Variants in MYO5A observed in about 807,000 individuals in gnomAD.
MYO5A encodes unconventional myosin-Va.
MYO5A carries 98 observed loss-of-function variants against 249.7 expected under a neutral mutation model. That is an observed-to-expected ratio of 0.39 (90% CI 0.33 to 0.46). The LOEUF is 0.46. Ranked by LOEUF, MYO5A falls within the 20% of genes least tolerant of loss-of-function variation. The pLI is 0.98. For synonymous variants in MYO5A, 778 were observed against 810.6 expected (o/e 0.96, Z 0.68); for missense variants, 1,696 against 2,308.8 (o/e 0.73, Z 5.44).
intron 36 of MYO5A, among the ~76,000 whole-genome samples, chr15:52,324,075 C>T (rs1453886561): frequency 2.7e-5 from 4 of 147,326 alleles, no homozygotes; most frequent in South Asian, 4.4e-4. Flanking sequence ...TCATGTCCCC[C>T]GTGGGGTTAA....
chr15:52,375,256 G>A lies in MYO5A; in HGVS notation c.2577+48C>T. The A allele has an allele frequency of 2.5e-6, 4 of 1,590,164 alleles. No individual in the cohort carries two copies. The African/African-American group carries it at 4.0e-5, about 16-fold the overall frequency. On this transcript the variant is annotated intron_variant, in intron 20 of 41. Coordinates refer to ENST00000399233, the MANE Select transcript of MYO5A (RefSeq NM_001382347.1). ...GGTACTCTGTATAGATGTGAAATTTGGTTAATGCTAATAGAATGAATAAAC... is the reference window on the plus strand; with the variant it reads ...GGTACTCTGTATAGATGTGAAATTTAGTTAATGCTAATAGAATGAATAAAC...
intron 32 of MYO5A, among the ~76,000 whole-genome samples, chr15:52,338,537 T>C (rs1470762194): frequency 6.6e-6 from 1 of 152,156 alleles, no homozygotes; most frequent in African/African-American, 2.4e-5. Flanking sequence ...AATGCACAAT[T>C]AAGATTGAGA....
intron 2 of MYO5A, among the ~76,000 whole-genome samples, chr15:52,432,103 T>C (rs2075553491): frequency 6.7e-6 from 1 of 150,258 alleles, no homozygotes; most frequent in South Asian, 2.1e-4. Context: ...CATGAGCCCA[T>C]AATAAATAAA....
rs562968936 is a variant in MYO5A, at chr15:52,432,875, T to C, written c.138+300A>G. ...TTAAAAACACTACAAGCACTCCCCA[T>C]AGCACACCAGTTAAATGCAAGAGTT... On this transcript the variant is annotated intron_variant, in intron 2 of 41. Transcript: ENST00000399233. 3.9e-5 allele frequency among the ~76,000 whole-genome samples: 6 copies of C among 152,292 alleles called. No homozygotes were observed. In the South Asian group the frequency reaches 8.3e-4, roughly 21 times the overall value.
intron 1 of MYO5A, among the ~76,000 whole-genome samples, chr15:52,465,648 C>A (rs1355728126): frequency 6.6e-6 from 1 of 152,038 alleles, no homozygotes; most frequent in Non-Finnish European, 1.5e-5. Context: ...CAGAGCAAGA[C>A]CCTGTCTCTA....
chr15:52,475,908 T>G (rs898902559), intron 1 of MYO5A, among the ~76,000 whole-genome samples: 15 of 152,226 alleles, frequency 9.9e-5, no homozygotes, highest in African/African-American at 3.6e-4. Flanking sequence ...TTAGGTACAC[T>G]TGGTGCAGAG....
At chr15:52,421,596 G>A (rs1014412647) in intron 4 of MYO5A, among the ~76,000 whole-genome samples, 7 of 152,304 alleles carry the variant, frequency 4.6e-5, no homozygotes, top group Non-Finnish European at 1.0e-4. Context: ...GAGCTGGGTT[G>A]TTACACCCCA....
At chr15:52,512,868 C>G (rs914020655) in intron 1 of MYO5A, among the ~76,000 whole-genome samples, 1 of 152,142 alleles carries the variant, frequency 6.6e-6, no homozygotes, top group South Asian at 2.1e-4. Flanking sequence ...TGGCTCACAC[C>G]TGTAATCCCA....
At chr15:52,465,545 T>C (rs889236168) in intron 1 of MYO5A, among the ~76,000 whole-genome samples, 2 of 152,190 alleles carry the variant, frequency 1.3e-5, no homozygotes, top group Non-Finnish European at 2.9e-5. Flanking sequence ...TAGTCCCAGC[T>C]ACTTGGGAGG....
chr15:52,417,861 A>G (rs2043584792), intron 4 of MYO5A, among the ~76,000 whole-genome samples: 3 of 152,176 alleles, frequency 2.0e-5, no homozygotes, highest in Non-Finnish European at 4.4e-5. Flanking sequence ...TCTGCTCTTT[A>G]TAAATCACCC....
intron 24 of MYO5A, among the ~76,000 whole-genome samples, chr15:52,363,764 G>C (rs2040660959): frequency 1.3e-5 from 2 of 152,140 alleles, no homozygotes; most frequent in African/African-American, 4.8e-5. Context: ...CATGGAATGG[G>C]GAGGATGTGC....
chr15:52,375,322 G>A lies in MYO5A; in HGVS notation c.2559C>T (p.Ala853=), dbSNP rs751160897. The change falls in exon 20 of 42, where the codon GCC becomes GCT. Residue 853 remains alanine, a synonymous_variant. Transcript: ENST00000399233. Reference sequence around the variant, plus strand: ...GCCTCACCTTGCGATACCTATTTCTGGCCAAGAAGCCTCGCAAGTAAGACT... The same window carrying A: ...GCCTCACCTTGCGATACCTATTTCTAGCCAAGAAGCCTCGCAAGTAAGACT... ...VLQSYLRGFL[A]RNRYRKILRE... 6 of 1,613,904 alleles carry A rather than the reference G, an allele frequency of 3.7e-6. No homozygotes were observed. In the African/African-American group the frequency reaches 6.7e-5, roughly 18 times the overall value.
chr15:52,429,671 A>C (rs530320076), intron 2 of MYO5A, among the ~76,000 whole-genome samples: 1 of 150,364 alleles, frequency 6.7e-6, no homozygotes, highest in African/African-American at 2.4e-5. Flanking sequence ...CCTGGGCTAC[A>C]GAGCGAGACT....
At position 52,411,413 on chromosome 15, in the gene MYO5A, T is replaced by C. The variant is rs909196508; in HGVS notation, c.613-937A>G. ...TGATAGTTAAATCTAGCTTACAAAATATCTGCTACAGAATACAGAGAATAT... is the reference window on the plus strand; with the variant it reads ...TGATAGTTAAATCTAGCTTACAAAACATCTGCTACAGAATACAGAGAATAT... On this transcript the variant is annotated intron_variant, in intron 5 of 41. Coordinates refer to ENST00000399233, the MANE Select transcript of MYO5A (RefSeq NM_001382347.1). Among the ~76,000 whole-genome samples the C allele has an allele frequency of 5.3e-5, 8 of 152,202 alleles. 1 individual carries two copies. The highest frequency in any genetic ancestry group is 3.9e-4 in the Admixed American group (6 of 15,276).
At chr15:52,342,788 C>T (rs112206254) in intron 31 of MYO5A, among the ~76,000 whole-genome samples, 20 of 151,816 alleles carry the variant, frequency 1.3e-4, no homozygotes, top group African/African-American at 3.9e-4. Flanking sequence ...TGTTGGTGCA[C>T]GCCTGTAATC....
chr15:52,503,208 A>C (rs1210308062), intron 1 of MYO5A, among the ~76,000 whole-genome samples: 1 of 152,250 alleles, frequency 6.6e-6, no homozygotes, highest in Non-Finnish European at 1.5e-5. Context: ...GCATAAAGAA[A>C]AAACAAATAG....
intron 34 of MYO5A, chr15:52,331,838 TAA>T (rs1407792378): frequency 4.1e-6 from 4 of 985,270 alleles, no homozygotes; most frequent in Non-Finnish European, 4.8e-6. Context: ...CTATGATATC[TAA>T]AGAGTGGTCA....
At chr15:52,472,434 G>A (rs141960872) in intron 1 of MYO5A, among the ~76,000 whole-genome samples, 1 of 152,008 alleles carries the variant, frequency 6.6e-6, no homozygotes, top group African/African-American at 2.4e-5. Context: ...TAGGGTACAT[G>A]TGCACAACGT....
rs191735095 is a variant in MYO5A at position 52,475,382 on chromosome 15, T to C, written c.28-42097A>G. Among the ~76,000 whole-genome samples, 103 of 152,338 alleles carry C rather than the reference T, an allele frequency of 6.8e-4. 1 individual carries two copies. Among genetic ancestry groups the C allele is most frequent in the African/African-American group, 2.4e-3 (101 of 41,580 alleles). On this transcript the variant is annotated intron_variant, in intron 1 of 41. Coordinates refer to ENST00000399233, the MANE Select transcript of MYO5A (RefSeq NM_001382347.1). ...TTTTGAAGGGTTTTTTGTGTCTCTATCTCCTTCAGTTCTGCTCTGAACTTA... is the reference window on the plus strand; with the variant it reads ...TTTTGAAGGGTTTTTTGTGTCTCTACCTCCTTCAGTTCTGCTCTGAACTTA...
Sources: gnomAD v4.1 joint callset for allele counts (sites outside exome capture counted in the v4.1 genomes callset) on GRCh38, gnomAD v4.1.1 for gene constraint, MANE v1.5 for transcripts, NCBI Gene and HGNC (gene_info 2026-07-23, HGNC 2026-07-21) for gene names.